PKIG: variants seen among roughly 807,000 people sequenced by gnomAD.
The protein encoded by PKIG is cAMP-dependent protein kinase inhibitor gamma.
PKIG carries 1 observed loss-of-function variant against 6.8 expected under a neutral mutation model. That is an observed-to-expected ratio of 0.15 (90% CI 0.05 to 0.69). The LOEUF is 0.69. PKIG is among the 30% of genes least tolerant of loss of function. The probability of loss-of-function intolerance (pLI) is 0.82; values close to 1 mark genes in which losing one functional copy is unlikely to be tolerated. For missense variants in PKIG, 77 were observed against 104.0 expected (o/e 0.74, Z 1.13); for synonymous variants, 39 against 43.0 (o/e 0.91, Z 0.36).
At chr20:44,610,484 CT>C (rs146356347) in intron 2 of PKIG, among the ~76,000 whole-genome samples, 253 of 122,324 alleles carry the variant, frequency 2.1e-3, no homozygotes, top group African/African-American at 6.8e-3. Context: ...CTCTCTCTCT[CT>C]TCTCTCTCTC....
chr20:44,576,216 T>C (rs1202278134), intron 1 of PKIG, among the ~76,000 whole-genome samples: 1 of 150,600 alleles, frequency 6.6e-6, no homozygotes, highest in Non-Finnish European at 1.5e-5. Context: ...AAATATTTAT[T>C]GAGTTTCCTA....
intron 2 of PKIG, among the ~76,000 whole-genome samples, chr20:44,611,287 C>T (rs1431049502): frequency 1.3e-5 from 2 of 152,098 alleles, no homozygotes; most frequent in Non-Finnish European, 2.9e-5. Flanking sequence ...CTTCTGACCT[C>T]AGGTGAACTA....
In PKIG at chr20:44,540,685, C is replaced by G. The variant is rs546704884; in HGVS notation, c.-241+8707C>G. ...CCTCTACCTCCTGGGTTCAAAGATT[C>G]TCCTGCCTCGGCCTCCTGAGTAGCT... On this transcript the variant is annotated intron_variant, in intron 1 of 4. Transcript: ENST00000372887. Among the ~76,000 whole-genome samples, 6 of 152,178 alleles carry G rather than the reference C, an allele frequency of 3.9e-5. No individual in the cohort carries two copies. The South Asian group carries it at 1.2e-3, about 32-fold the overall frequency.
intron 1 of PKIG, among the ~76,000 whole-genome samples, chr20:44,539,255 T>C (rs897096261): frequency 3.3e-5 from 5 of 151,974 alleles, no homozygotes; most frequent in Non-Finnish European, 7.4e-5. Context: ...TTCATAAATG[T>C]CTTTTTACAG....
chr20:44,607,078 C>T (rs567313927), intron 2 of PKIG, among the ~76,000 whole-genome samples: 41 of 152,216 alleles, frequency 2.7e-4, no homozygotes, highest in Admixed American at 1.3e-3. Context: ...GAGAAGTTGG[C>T]AATACCTGTT....
At chr20:44,547,088 T>G (rs1275359248) in intron 1 of PKIG, among the ~76,000 whole-genome samples, 1 of 152,238 alleles carries the variant, frequency 6.6e-6, no homozygotes, top group Non-Finnish European at 1.5e-5. Flanking sequence ...CTGTACATCC[T>G]AACATACAAT....
intron 2 of PKIG, among the ~76,000 whole-genome samples, chr20:44,592,540 G>C (rs994470969): frequency 1.8e-4 from 27 of 152,208 alleles, no homozygotes; most frequent in African/African-American, 6.5e-4. Flanking sequence ...TTGGCAGCTA[G>C]GAGTGTGCCT....
At chr20:44,551,272 T>G (rs1264007278) in intron 1 of PKIG, among the ~76,000 whole-genome samples, 2 of 152,184 alleles carry the variant, frequency 1.3e-5, no homozygotes, top group East Asian at 3.9e-4. Flanking sequence ...GCCAGGATAG[T>G]CTTGATCTCC....
intron 1 of PKIG, among the ~76,000 whole-genome samples, chr20:44,569,568 C>T (rs981252024): frequency 2.6e-5 from 4 of 151,956 alleles, no homozygotes; most frequent in African/African-American, 9.7e-5. Context: ...TATACATAAA[C>T]ATGTAATTTT....
intron 2 of PKIG, among the ~76,000 whole-genome samples, chr20:44,601,822 A>G (rs866571053): frequency 6.6e-6 from 1 of 152,272 alleles, no homozygotes; most frequent in South Asian, 2.1e-4. Flanking sequence ...TTGGAAAACA[A>G]TTTGGAGCTT....
intron 1 of PKIG, among the ~76,000 whole-genome samples, chr20:44,585,490 C>A (rs941981956): frequency 6.6e-6 from 1 of 152,218 alleles, no homozygotes; most frequent in African/African-American, 2.4e-5. Context: ...AGATCATCTC[C>A]ATTTTACACC....
At chr20:44,572,129 C>T (rs1170539435) in intron 1 of PKIG, among the ~76,000 whole-genome samples, 1 of 152,110 alleles carries the variant, frequency 6.6e-6, no homozygotes, top group Admixed American at 6.5e-5. Context: ...TCAGCCTCCC[C>T]AGTAGCCGGG....
chr20:44,536,315 A>G (rs571382337), intron 1 of PKIG, among the ~76,000 whole-genome samples: 38 of 152,304 alleles, frequency 2.5e-4, no homozygotes, highest in Non-Finnish European at 3.5e-4. Flanking sequence ...TCATGGGGAA[A>G]CTTTTATTCT....
intron 1 of PKIG, among the ~76,000 whole-genome samples, chr20:44,550,227 A>G (rs1243317654): frequency 6.6e-6 from 1 of 151,436 alleles, no homozygotes; most frequent in Non-Finnish European, 1.5e-5. Flanking sequence ...CAAAAAATTC[A>G]TGGAAAAAAT....
rs887113736 is a variant in PKIG, at chr20:44,607,674, A to G, written c.-23-6860A>G. On this transcript the variant is annotated intron_variant, in intron 2 of 3. Transcript: ENST00000372886. ...CATTTTTAAATGAAAAAAAGGCAAG[A>G]TGGAAAATAAATTTTTTTTTTTTTT... Among the ~76,000 whole-genome samples, 4 of 147,262 alleles carry G rather than the reference A, an allele frequency of 2.7e-5. No individual in the cohort carries two copies. In the Admixed American group the frequency reaches 2.7e-4, roughly 10 times the overall value.
At chr20:44,560,766 G>A (rs951396018) in intron 1 of PKIG, among the ~76,000 whole-genome samples, 34 of 152,192 alleles carry the variant, frequency 2.2e-4, no homozygotes, top group Non-Finnish European at 1.2e-4. Context: ...TGGTTCTCAA[G>A]TAATAATGCC....
chr20:44,599,974 A>G (rs1044111339), intron 2 of PKIG, among the ~76,000 whole-genome samples: 2 of 152,190 alleles, frequency 1.3e-5, no homozygotes, highest in Non-Finnish European at 2.9e-5. Flanking sequence ...AGTTGGGGGC[A>G]GAGGAACTCA....
chr20:44,599,918 A>C (rs978674431), intron 2 of PKIG, among the ~76,000 whole-genome samples: 3 of 152,074 alleles, frequency 2.0e-5, no homozygotes, highest in African/African-American at 7.2e-5. Flanking sequence ...CCACCACACC[A>C]CATTACCCTC....
At chr20:44,575,876 CT>C (rs992134232) in intron 1 of PKIG, among the ~76,000 whole-genome samples, 22 of 152,162 alleles carry the variant, frequency 1.4e-4, no homozygotes, top group African/African-American at 5.3e-4. Context: ...CCTTCTGAAT[CT>C]TCTCGACGCC....
Sources: gnomAD v4.1 joint callset for allele counts (sites outside exome capture counted in the v4.1 genomes callset) on GRCh38, gnomAD v4.1.1 for gene constraint, MANE v1.5 for transcripts, NCBI Gene and HGNC (gene_info 2026-07-23, HGNC 2026-07-21) for gene names.